Variants in NOD1 observed in about 807,000 individuals in gnomAD.
The protein encoded by NOD1 is nucleotide-binding oligomerization domain-containing protein 1.
NOD1 carries 70 observed loss-of-function variants against 81.2 expected under a neutral mutation model. The observed-to-expected ratio is 0.86, with a 90% CI of 0.71 to 1.05. The LOEUF (loss-of-function observed/expected upper bound fraction) is 1.05. Among genes scored for constraint, NOD1 ranks in the 50% least tolerant of loss-of-function variants. The pLI is 0.00. For synonymous variants in NOD1, 508 were observed against 526.9 expected (o/e 0.96, Z 0.49); for missense variants, 1,233 against 1,228.0 (o/e 1.00, Z -0.06).
chr7:30,432,931 T>G (rs1583665560), intron 12 of NOD1, among the ~76,000 whole-genome samples, 165 bp downstream of exon 12: 1 of 151,628 alleles, frequency 6.6e-6, no homozygotes, highest in East Asian at 1.9e-4. Context: ...CTTTTTGGAG[T>G]GGGGAGGAGG....
At position 30,425,681 on chromosome 7, in the gene NOD1, T is replaced by G. The variant is rs1359417261; in HGVS notation, c.2819A>C (p.Glu940Ala). 2 of 1,613,870 alleles carry G rather than the reference T, an allele frequency of 1.2e-6. No homozygotes were observed. The highest frequency in any genetic ancestry group is 1.1e-5 in the South Asian group (1 of 91,086). The change falls in exon 14 of 14, where the codon GAG (glutamate) becomes GCG (alanine). Residue 940 changes from glutamate (E) to alanine (A), a missense_variant. Physicochemically the swap from Glu to Ala is moderately radical, Grantham distance 107 (BLOSUM62 -1). Transcript: ENST00000222823. ...CLNGNLIKPE[E>A]AKVYEDEKRI... is the part of the protein sequence containing the mutation. ...CTTCTCATCTTCATAGACTTTGGCCTCCTCTGGTTTTATCAGGTTTCCATT... is the reference window on the plus strand; with the variant it reads ...CTTCTCATCTTCATAGACTTTGGCCGCCTCTGGTTTTATCAGGTTTCCATT...
At chr7:30,440,903 A>G (rs1379609618) in intron 9 of NOD1, among the ~76,000 whole-genome samples, 1 of 19,546 alleles carries the variant, frequency 5.1e-5, no homozygotes, top group African/African-American at 2.8e-4. Context: ...CTAACAGCGG[A>G]TCTCTCGGCA....
At chr7:30,439,948 C>A (rs1351180423) in intron 9 of NOD1, among the ~76,000 whole-genome samples, 1 of 29,792 alleles carries the variant, frequency 3.4e-5, no homozygotes, top group African/African-American at 1.2e-4. Context: ...GTCCCTGACC[C>A]CTGACCCCCG....
At chr7:30,470,385 C>T (rs1788151758) in intron 1 of NOD1, among the ~76,000 whole-genome samples, 1 of 152,254 alleles carries the variant, frequency 6.6e-6, no homozygotes. Flanking sequence ...GGGCGACCAT[C>T]TGGTGAGTCA....
chr7:30,433,532 G>C, intron 11 of NOD1: 1 of 286,844 alleles, frequency 3.5e-6, no homozygotes, highest in Admixed American at 4.7e-5. Flanking sequence ...CTAGTCCCAG[G>C]GTCCCTTGAA....
At chr7:30,434,930 G>T (rs1784253589) in intron 11 of NOD1, among the ~76,000 whole-genome samples, 1 of 151,252 alleles carries the variant, frequency 6.6e-6, no homozygotes, top group Non-Finnish European at 1.5e-5. Context: ...CACTTAACCT[G>T]TAAGGAATGT....
At chr7:30,431,674 G>A (rs925858750) in intron 12 of NOD1, among the ~76,000 whole-genome samples, 1 of 152,148 alleles carries the variant, frequency 6.6e-6, no homozygotes, top group Non-Finnish European at 1.5e-5. Context: ...ATATGTGAGG[G>A]GAAACAACTA....
chr7:30,448,123 A>G, intron 7 of NOD1, 175 bp downstream of exon 7: 1 of 607,160 alleles, frequency 1.6e-6, no homozygotes, highest in Non-Finnish European at 3.0e-6. Flanking sequence ...GCTCAGCAAG[A>G]CTTCATGACT....
chr7:30,456,303 C>G (rs1334273296), intron 4 of NOD1, among the ~76,000 whole-genome samples: 1 of 152,160 alleles, frequency 6.6e-6, no homozygotes, highest in African/African-American at 2.4e-5. Flanking sequence ...CACTGTGGAC[C>G]CACCGTGGGA....
chr7:30,438,523 G>C (rs1784583999), intron 9 of NOD1, among the ~76,000 whole-genome samples: 1 of 152,206 alleles, frequency 6.6e-6, no homozygotes, highest in Non-Finnish European at 1.5e-5. Context: ...AGCACACACT[G>C]TCTACACACA....
intron 13 of NOD1, among the ~76,000 whole-genome samples, chr7:30,427,565 C>G (rs1394219763): frequency 6.6e-6 from 1 of 152,176 alleles, no homozygotes; most frequent in Middle Eastern, 3.2e-3. Context: ...TGGAGGCTCC[C>G]AGAACAAGCC....
At chr7:30,445,279 A>AAAAAAAAAAAAAAAAAAAAAAAAAAT in intron 9 of NOD1, among the ~76,000 whole-genome samples, 1 of 37,342 alleles carries the variant, frequency 2.7e-5, no homozygotes, top group African/African-American at 2.1e-4. Flanking sequence ...AAAAGAATCT[A>AAAAAAAAAAAAAAAAAAAAAAAAAAT]AAAAAAAAAA....
Position 30,451,163 on chromosome 7 carries a change from C to T in NOD1, c.2201+53G>A, listed in dbSNP as rs1785652776. On this transcript the variant is annotated intron_variant, in intron 6 of 13. Transcript: ENST00000222823. This position sits in a 1 kb window ranked among gnomAD's most constrained non-coding sequence, Gnocchi z 4.2. ...TCCATGATGCCATTCCCGATGCCCTCCGAGCCTGGCCCGCCCGGCCCACCT... is the reference window on the plus strand; with the variant it reads ...TCCATGATGCCATTCCCGATGCCCTTCGAGCCTGGCCCGCCCGGCCCACCT... The T allele has an allele frequency of 1.9e-6, 3 of 1,575,050 alleles. No individual in the cohort carries two copies. The highest frequency in any genetic ancestry group is 2.4e-5 in the South Asian group (2 of 85,040).
chr7:30,435,872 C>T (rs796374690), intron 11 of NOD1, 126 bp downstream of exon 11: 5 of 729,188 alleles, frequency 6.9e-6, no homozygotes, highest in African/African-American at 3.5e-5. Flanking sequence ...GCGGGAGGTT[C>T]GAATGAGCCT....
rs1263807314 is a variant in NOD1, at chr7:30,455,255, G to A, written c.258C>T (p.Phe86=). ...CTGCGAGTTGCTGGAGCAAGTAGAGGAAGAACTCGGACACCTCCTCGCCCT... is the reference window on the plus strand; with the variant it reads ...CTGCGAGTTGCTGGAGCAAGTAGAGAAAGAACTCGGACACCTCCTCGCCCT... ...QSKGEEVSEF[F]LYLLQQLADA... is the part of the protein sequence containing the mutation. The change falls in exon 5 of 14, where the codon TTC becomes TTT. Residue 86 remains phenylalanine, a synonymous_variant. Transcript: ENST00000222823. 1 of 1,614,146 alleles carries A rather than the reference G, an allele frequency of 6.2e-7. No homozygotes were observed. Among genetic ancestry groups the A allele is most frequent in the Admixed American group, 1.7e-5 (1 of 60,016 alleles).
chr7:30,474,431 C>T (rs140668030), intron 1 of NOD1, among the ~76,000 whole-genome samples: 4 of 152,256 alleles, frequency 2.6e-5, no homozygotes, highest in East Asian at 3.9e-4. Flanking sequence ...CTTTTTGGCA[C>T]GAGGAACTGG....
At chr7:30,457,661 G>A (rs1444654542) in intron 3 of NOD1, among the ~76,000 whole-genome samples, 1 of 152,096 alleles carries the variant, frequency 6.6e-6, no homozygotes, top group Non-Finnish European at 1.5e-5. Context: ...TACATAATAA[G>A]GTTAACAGGG....
intron 1 of NOD1, among the ~76,000 whole-genome samples, chr7:30,471,568 C>G (rs1474456982): frequency 6.6e-6 from 1 of 152,140 alleles, no homozygotes; most frequent in Non-Finnish European, 1.5e-5. Context: ...CAAGTGCACA[C>G]AAATGATGAA....
At chr7:30,448,179 C>T (rs1254840908) in intron 7 of NOD1, 119 bp downstream of exon 7, 10 of 814,520 alleles carry the variant, frequency 1.2e-5, no homozygotes, top group East Asian at 5.0e-5. Context: ...CCTGGGCCAG[C>T]GCTCTTCCCA....
Sources: gnomAD v4.1 joint callset for allele counts (sites outside exome capture counted in the v4.1 genomes callset) on GRCh38, gnomAD v4.1.1 for gene constraint, Gnocchi (gnomAD v3.1) non-coding constraint, MANE v1.5 for transcripts, NCBI Gene and HGNC (gene_info 2026-07-23, HGNC 2026-07-21) for gene names.